Variants in STK24 observed in about 807,000 individuals in gnomAD.
The protein encoded by STK24 is serine/threonine kinase 24.
In STK24, 21 loss-of-function variants were observed where a neutral mutation model predicts 55.6. The ratio of observed to expected loss-of-function variants is 0.38; its 90% CI spans 0.27 to 0.54. The LOEUF (loss-of-function observed/expected upper bound fraction) is 0.54. STK24 is among the 20% of genes least tolerant of loss of function. STK24 has a pLI of 0.79. For missense variants in STK24, 383 were observed against 538.4 expected (o/e 0.71, Z 2.86); for synonymous variants, 200 against 215.2 (o/e 0.93, Z 0.62).
At chr13:98,514,689 G>A (rs1895995288) in intron 2 of STK24, among the ~76,000 whole-genome samples, 1 of 152,152 alleles carries the variant, frequency 6.6e-6, no homozygotes, top group Non-Finnish European at 1.5e-5. Context: ...GAAAAGCACA[G>A]CTTTTAAGAC....
chr13:98,549,759 TAG>T (rs1219436327), intron 1 of STK24, among the ~76,000 whole-genome samples: 1 of 152,196 alleles, frequency 6.6e-6, no homozygotes, highest in East Asian at 1.9e-4. Context: ...AATTGCTTTA[TAG>T]CAACAGAAGA....
chr13:98,449,192 C>T lies in STK24; in HGVS notation c.*3981G>A, dbSNP rs528565654. ...GTTCCGTGATGAGCGTTTAGTGAGCCTGCTGGCTGCAGAGCACTATGAAAT... is the reference window on the plus strand; with the variant it reads ...GTTCCGTGATGAGCGTTTAGTGAGCTTGCTGGCTGCAGAGCACTATGAAAT... On this transcript the variant is annotated 3_prime_UTR_variant, in exon 11 of 11. Transcript: ENST00000539966. The T allele has an allele frequency of 1.1e-4, 17 of 152,348 alleles. No individual in the cohort carries two copies. Among genetic ancestry groups the T allele is most frequent in the African/African-American group, 3.8e-4 (16 of 41,576 alleles). The allele number at this position is 152,348 out of a possible 1,614,324, so 9.4% of individuals were successfully genotyped here.
intron 1 of STK24, chr13:98,576,333 T>G (rs1046972635): frequency 6.6e-6 from 4 of 607,990 alleles, no homozygotes; most frequent in Non-Finnish European, 6.2e-6. Flanking sequence ...GGACGCGTCC[T>G]GGGGCCCTCC....
chr13:98,481,926 G>C (rs1341457386), intron 3 of STK24, among the ~76,000 whole-genome samples: 1 of 152,058 alleles, frequency 6.6e-6, no homozygotes, highest in Non-Finnish European at 1.5e-5. Flanking sequence ...AATTGGCCAG[G>C]TGTGGTGGCA....
intron 1 of STK24, among the ~76,000 whole-genome samples, chr13:98,524,606 T>C (rs74109157): frequency 6.6e-6 from 1 of 152,200 alleles, no homozygotes; most frequent in African/African-American, 2.4e-5. Flanking sequence ...CCCCAAGGAA[T>C]GGTGAGAAAT....
intron 8 of STK24, 53 bp downstream of exon 8, chr13:98,461,721 C>A (rs1893711690): frequency 6.3e-7 from 1 of 1,599,652 alleles, no homozygotes; most frequent in African/African-American, 1.3e-5. Flanking sequence ...CAAGTGCCTC[C>A]AAAACACTGC....
At chr13:98,493,417 C>A (rs952425602) in intron 2 of STK24, among the ~76,000 whole-genome samples, 16 of 152,052 alleles carry the variant, frequency 1.1e-4, no homozygotes, top group Non-Finnish European at 1.9e-4. Flanking sequence ...CTACAAATAA[C>A]CTAAATCTGA....
chr13:98,515,815 T>C (rs1257173137), intron 2 of STK24, among the ~76,000 whole-genome samples: 4 of 152,210 alleles, frequency 2.6e-5, no homozygotes, highest in Non-Finnish European at 5.9e-5. Flanking sequence ...CTCTTCTTTG[T>C]CCTGGCCTGC....
intron 5 of STK24, 85 bp from the exon 6 acceptor site, chr13:98,466,646 T>A: frequency 7.0e-7 from 1 of 1,423,150 alleles, no homozygotes; most frequent in South Asian, 1.3e-5. Context: ...GTAACATGTC[T>A]CAATACTTCT....
At chr13:98,477,224 G>A (rs1458449678) in intron 3 of STK24, among the ~76,000 whole-genome samples, 3 of 152,196 alleles carry the variant, frequency 2.0e-5, no homozygotes, top group African/African-American at 7.2e-5. Context: ...ATTTTTCAGT[G>A]TTCATAGAAT....
chr13:98,552,756 C>T (rs1281719340), intron 1 of STK24, among the ~76,000 whole-genome samples: 2 of 152,010 alleles, frequency 1.3e-5, no homozygotes, highest in African/African-American at 2.4e-5. Context: ...AGTCAGAAAC[C>T]GAAGACGCCA....
In STK24 at chr13:98,461,870, G is replaced by GC. The variant is rs758627015; in HGVS notation, c.956dup (p.Ser320GlnfsTer2). The GC allele has an allele frequency of 1.2e-6, 2 of 1,613,940 alleles. No homozygotes were observed. The highest frequency in any genetic ancestry group is 1.1e-5 in the South Asian group (1 of 91,060). On this transcript the variant is annotated frameshift_variant, in exon 8 of 11. Coordinates refer to ENST00000539966, the MANE Select transcript of STK24 (RefSeq NM_001032296.4). LOFTEE classifies it high-confidence loss of function. ...TGAAGATCCAGTCCCCAGAATCACTGCCCCCCGAGGCTTGGCCATCTGTTT... is the reference window on the plus strand; with the variant it reads ...TGAAGATCCAGTCCCCAGAATCACTGCCCCCCCGAGGCTTGGCCATCTGTTT...
chr13:98,474,811 C>A lies in STK24; in HGVS notation c.597+10G>T, dbSNP rs1246206103. 2 of 1,604,910 alleles carry A rather than the reference C, an allele frequency of 1.2e-6. No individual in the cohort carries two copies. The highest frequency in any genetic ancestry group is 1.7e-6 in the Non-Finnish European group (2 of 1,175,612). ...CGTGAGGCACGGCGCCGCCCTCACCCTCCCCTCACCTTCGAGTCATAGGCC... is the reference window on the plus strand; with the variant it reads ...CGTGAGGCACGGCGCCGCCCTCACCATCCCCTCACCTTCGAGTCATAGGCC... On this transcript the variant is annotated intron_variant, in intron 5 of 10. Coordinates refer to ENST00000539966, the MANE Select transcript of STK24 (RefSeq NM_001032296.4).
chr13:98,504,925 G>A (rs762613893), intron 2 of STK24: 2 of 152,254 alleles, frequency 1.3e-5, no homozygotes, highest in Non-Finnish European at 2.9e-5. Context: ...CTCCGTGGGA[G>A]TCTGTCGATG....
intron 1 of STK24, among the ~76,000 whole-genome samples, chr13:98,532,445 A>C (rs946818484): frequency 2.7e-5 from 4 of 150,814 alleles, no homozygotes; most frequent in Non-Finnish European, 4.4e-5. Context: ...CATCCCACAC[A>C]CATCCCATCC....
intron 1 of STK24, among the ~76,000 whole-genome samples, chr13:98,526,691 T>G (rs928186302): frequency 6.6e-6 from 1 of 152,222 alleles, no homozygotes; most frequent in Non-Finnish European, 1.5e-5. Flanking sequence ...TAAATTTTAT[T>G]CTGTTTTTCA....
chr13:98,534,360 G>A (rs1183771337), intron 1 of STK24, among the ~76,000 whole-genome samples: 1 of 152,196 alleles, frequency 6.6e-6, no homozygotes, highest in African/African-American at 2.4e-5. Context: ...TACCCTCCAA[G>A]CTGTCCTTTT....
At chr13:98,515,758 T>G (rs1486676929) in intron 2 of STK24, among the ~76,000 whole-genome samples, 1 of 152,224 alleles carries the variant, frequency 6.6e-6, no homozygotes, top group Non-Finnish European at 1.5e-5. Context: ...TTATGAGACC[T>G]GTGAATGCTA....
chr13:98,456,431 T>A (rs1420013365), intron 10 of STK24: 1 of 480,366 alleles, frequency 2.1e-6, no homozygotes, highest in East Asian at 6.7e-5. Context: ...CCTGGGGGTG[T>A]GGAGGACAGC....
Sources: allele counts gnomAD v4.1 joint callset (sites outside exome capture counted in the v4.1 genomes callset), GRCh38; gene constraint gnomAD v4.1.1; transcripts MANE v1.5; gene names NCBI Gene and HGNC (gene_info 2026-07-23, HGNC 2026-07-21).